Variants in TAGAP observed in about 807,000 individuals in gnomAD.
TAGAP encodes T-cell activation Rho GTPase-activating protein.
In TAGAP, 16 loss-of-function variants were observed where a neutral mutation model predicts 36.0. That is an observed-to-expected ratio of 0.44 (90% CI 0.30 to 0.68). The LOEUF (loss-of-function observed/expected upper bound fraction) is 0.68, where lower values mean the gene tolerates loss of function less well. Among genes scored for constraint, TAGAP ranks in the 30% least tolerant of loss-of-function variants. The probability of loss-of-function intolerance (pLI) is 0.09; values close to 1 mark genes in which losing one functional copy is unlikely to be tolerated. For missense variants in TAGAP, 794 were observed against 921.5 expected, an observed-to-expected ratio of 0.86 and a Z score of 1.79; for synonymous variants, 372 against 377.4, an observed-to-expected ratio of 0.99 and a Z score of 0.17.
chr6:159,041,230 A>C lies in TAGAP; in HGVS notation c.477+124T>G, dbSNP rs1779736656. 8.0e-7 allele frequency: 1 copy of C among 1,253,738 alleles called. No individual in the cohort carries two copies. The highest frequency in any genetic ancestry group is 1.1e-6 in the Non-Finnish European group (1 of 906,294). The allele number at this position is 1,253,738 out of a possible 1,614,324, so 77.7% of individuals were successfully genotyped here. On this transcript the variant is annotated intron_variant, in intron 6 of 9. Coordinates refer to ENST00000367066, the MANE Select transcript of TAGAP (RefSeq NM_054114.5). This position sits in a 1 kb window ranked among gnomAD's most constrained non-coding sequence, Gnocchi z 4.1. Reference sequence around the variant, plus strand: ...ATAAATAAATAAAGGGCTTAATGAAAAAAATTAAACTCCAAGATCAGTGTA... The same window carrying C: ...ATAAATAAATAAAGGGCTTAATGAACAAAATTAAACTCCAAGATCAGTGTA...
At chr6:159,040,393 G>A (rs1779703496) in intron 7 of TAGAP, among the ~76,000 whole-genome samples, 1 of 152,184 alleles carries the variant, frequency 6.6e-6, no homozygotes, top group Admixed American at 6.5e-5. Context: ...CTTTGCTGGT[G>A]AGCCTGTGTT....
rs767135924 is a variant in TAGAP at position 159,036,216 on chromosome 6, G to C, written c.1807C>G (p.Pro603Ala). The stretch of plus-strand genomic sequence containing the variant: ...TCGGAGGCCACTAGTCTGGCTGCCG[G>C]GCCCTGCATGGCCTCTTCATAAGAG... ...PPSYEEAMQG[P>A]AARLVASESQ... Residue 603 changes from proline (P) to alanine (A), a missense_variant, in exon 10 of 10, where the codon CCG becomes GCG. Physicochemically the swap from Pro to Ala is conservative, Grantham distance 27. Coordinates refer to ENST00000367066, the MANE Select transcript of TAGAP (RefSeq NM_054114.5). The surrounding 1 kb of genome is among the most constrained non-coding windows in gnomAD (Gnocchi z 4.9). 3.4e-5 allele frequency: 54 copies of C among 1,609,996 alleles called. No individual in the cohort carries two copies. Among genetic ancestry groups the C allele is most frequent in the Non-Finnish European group, 4.1e-5 (48 of 1,178,592 alleles).
chr6:159,038,889 G>A (rs1048357472), intron 8 of TAGAP: 16 of 1,395,172 alleles, frequency 1.1e-5, no homozygotes, highest in Admixed American at 3.0e-5. Flanking sequence ...GTAAATACTC[G>A]CAGCACTCAT....
chr6:159,036,142 C>T lies in TAGAP; in HGVS notation c.1881G>A (p.Met627Ile). The change falls in exon 10 of 10, where the codon ATG becomes ATA. Residue 627 changes from methionine (M) to isoleucine (I), a missense_variant. Met to Ile is a conservative substitution (Grantham distance 10, BLOSUM62 1). Coordinates refer to ENST00000367066, the MANE Select transcript of TAGAP (RefSeq NM_054114.5). This position sits in a 1 kb window ranked among gnomAD's most constrained non-coding sequence, Gnocchi z 4.9. ...GGGGTAGGAGGCAGTGCGCCTCCAG[C>T]ATCCTCGCCCTCATGCTCCCCACCG... ...SMTVGSMRAR[M>I]LEAHCLLPPL... 6.2e-7 allele frequency: 1 copy of T among 1,613,418 alleles called. No individual in the cohort carries two copies. The highest frequency in any genetic ancestry group is 8.5e-7 in the Non-Finnish European group (1 of 1,179,784).
rs1229838038 is a variant in TAGAP at position 159,043,961 on chromosome 6, A to G, written c.81+17T>C. The G allele has an allele frequency of 6.2e-7, 1 of 1,609,710 alleles. No individual in the cohort carries two copies. The highest frequency in any genetic ancestry group is 1.1e-5 in the South Asian group (1 of 90,588). On this transcript the variant is annotated intron_variant, in intron 3 of 9. Transcript: ENST00000367066. ...TCTCACAGTACAGATAAAAAGTCTT[A>G]AAAATTGCTTTCTTACCTCTGATTG...
intron 7 of TAGAP, 128 bp downstream of exon 7, chr6:159,040,595 C>A: frequency 1.4e-6 from 1 of 729,464 alleles, no homozygotes; most frequent in Middle Eastern, 2.5e-4. Context: ...ACGAGCAATT[C>A]CACTCGGATT....
chr6:159,043,922 A>T, intron 3 of TAGAP, 56 bp downstream of exon 3: 4 of 1,497,980 alleles, frequency 2.7e-6, no homozygotes, highest in Non-Finnish European at 3.7e-6. Context: ...CAATTAAAAC[A>T]AAGTTTTCCA....
rs554357363 is a variant in TAGAP, at chr6:159,044,244, C to G, written c.-58-40G>C. On this transcript the variant is annotated intron_variant, in intron 1 of 9. Coordinates refer to ENST00000367066, the MANE Select transcript of TAGAP (RefSeq NM_054114.5). ...ATGGAAAGGAGTTAGGAGGGACTCACACAGTAGGCCACTTTCAGCGCCACT... is the reference window on the plus strand; with the variant it reads ...ATGGAAAGGAGTTAGGAGGGACTCAGACAGTAGGCCACTTTCAGCGCCACT... 33 of 1,251,540 alleles carry G rather than the reference C, an allele frequency of 2.6e-5. No homozygotes were observed. In the East Asian group the frequency reaches 7.9e-4, roughly 30 times the overall value. 77.5% of individuals were successfully genotyped at this position (1,251,540 alleles called of 1,614,324 possible). A position where few individuals can be genotyped will look rare whatever the true frequency, so the allele number is the denominator to read the frequency against.
rs760383023 is a variant in TAGAP, at chr6:159,036,337, G to C, written c.1686C>G (p.His562Gln). The C allele has an allele frequency of 1.2e-5, 19 of 1,613,722 alleles. No individual in the cohort carries two copies. The East Asian group carries it at 4.0e-4, about 34-fold the overall frequency. ...GGCAGAAGCCGCGGGCTGTTTGGTT[G>C]TGGGTTTCACACCCATTTTCCTGCA... ...RIVQENGCET[H>Q]NQTARGFCLR... Residue 562 changes from histidine (H) to glutamine (Q), a missense_variant, in exon 10 of 10, where the codon CAC becomes CAG. Coordinates refer to ENST00000367066, the MANE Select transcript of TAGAP (RefSeq NM_054114.5). The surrounding 1 kb of genome is among the most constrained non-coding windows in gnomAD (Gnocchi z 4.9).
At chr6:159,040,600 C>T (rs780194671) in intron 7 of TAGAP, 123 bp downstream of exon 7, 16 of 775,114 alleles carry the variant, frequency 2.1e-5, no homozygotes, top group Non-Finnish European at 2.7e-5. Context: ...CAATTCCACT[C>T]GGATTCCCTA....
At chr6:159,043,906 A>G in intron 3 of TAGAP, 72 bp downstream of exon 3, 1 of 1,371,982 alleles carries the variant, frequency 7.3e-7, no homozygotes, top group South Asian at 1.2e-5. Flanking sequence ...CAACCCAAAT[A>G]ATATTCAATT....
Position 159,043,657 on chromosome 6 carries a change from T to TA in TAGAP, c.82-3dup. Reference sequence around the variant, plus strand: ...CAGGGGATGTTCCTTGATATCACCCTAAAAACATTTTTATTTCAGTTAAAT... The same window carrying TA: ...CAGGGGATGTTCCTTGATATCACCCTAAAAAACATTTTTATTTCAGTTAAAT... On this transcript the variant is annotated splice_polypyrimidine_tract_variant and splice_region_variant and intron_variant, in intron 3 of 9. Coordinates refer to ENST00000367066, the MANE Select transcript of TAGAP (RefSeq NM_054114.5). 1 of 1,613,832 alleles carries TA rather than the reference T, an allele frequency of 6.2e-7. No homozygotes were observed. Among genetic ancestry groups the TA allele is most frequent in the Non-Finnish European group, 8.5e-7 (1 of 1,179,788 alleles).
chr6:159,039,029 A>G, intron 8 of TAGAP, 85 bp downstream of exon 8: 1 of 1,601,766 alleles, frequency 6.2e-7, no homozygotes, highest in Non-Finnish European at 8.5e-7. Context: ...AGTTGGAGAC[A>G]TTCTGAAGCA....
intron 7 of TAGAP, among the ~76,000 whole-genome samples, chr6:159,040,032 G>A (rs1043062034): frequency 2.6e-5 from 4 of 152,150 alleles, no homozygotes; most frequent in African/African-American, 9.7e-5. Flanking sequence ...CTATACATAT[G>A]TCATTGAAAG....
intron 7 of TAGAP, among the ~76,000 whole-genome samples, chr6:159,039,729 C>G (rs7765172): frequency 0.026 from 3,947 of 152,288 alleles, 158 homozygotes; most frequent in African/African-American, 0.09. Context: ...GGAAACAAAA[C>G]TATAATTACC....
chr6:159,043,789 T>C (rs375694312), intron 3 of TAGAP, 134 bp from the exon 4 acceptor site: 2 of 1,054,704 alleles, frequency 1.9e-6, no homozygotes. Flanking sequence ...TTTTTCTAGC[T>C]TCTAGAAGCA....
Position 159,036,283 on chromosome 6 carries a change from A to C in TAGAP, c.1740T>G (p.Asp580Glu), listed in dbSNP as rs1395098204. ...CLRPHALSVD[D>E]VFQGADWERP... ...TCTCCCAGTCAGCTCCCTGGAACAC[A>C]TCATCCACCGAGAGGGCGTGGGGTC... is the stretch of plus-strand genomic sequence containing the variant. The change falls in exon 10 of 10, where the codon GAT becomes GAG. Residue 580 changes from aspartate to glutamate, a missense_variant. Physicochemically the swap from Asp to Glu is conservative, Grantham distance 45. Coordinates refer to ENST00000367066, the MANE Select transcript of TAGAP (RefSeq NM_054114.5). This position sits in a 1 kb window ranked among gnomAD's most constrained non-coding sequence, Gnocchi z 4.9. 1.2e-6 allele frequency: 2 copies of C among 1,611,770 alleles called. No individual in the cohort carries two copies. The highest frequency in any genetic ancestry group is 1.1e-5 in the South Asian group (1 of 90,966).
chr6:159,037,099 T>G lies in TAGAP; in HGVS notation c.924A>C (p.Ser308=). The G allele has an allele frequency of 1.9e-6, 3 of 1,611,214 alleles. No individual in the cohort carries two copies. Among genetic ancestry groups the G allele is most frequent in the Non-Finnish European group, 2.5e-6 (3 of 1,179,930 alleles). The change falls in exon 10 of 10, where the codon TCA becomes TCC. Residue 308 remains serine (S), a synonymous_variant. Transcript: ENST00000367066. This position sits in a 1 kb window ranked among gnomAD's most constrained non-coding sequence, Gnocchi z 5.1. ...SSDVSTLQND[S]AYDSNDPDVE... is the part of the protein sequence containing the mutation. ...CATCAGGGTCGTTGCTGTCGTAGGC[T>G]GAGTCATTCTGCAGGGTCGACACAT...
intron 1 of TAGAP, 125 bp downstream of exon 1, chr6:159,044,754 T>C: frequency 2.5e-6 from 1 of 392,210 alleles, no homozygotes. Context: ...AGCTTTGTCC[T>C]GAGACTTTAT....
Sources: allele counts gnomAD v4.1 joint callset (sites outside exome capture counted in the v4.1 genomes callset), GRCh38; gene constraint gnomAD v4.1.1; non-coding constraint Gnocchi (gnomAD v3.1); transcripts MANE v1.5; gene names NCBI Gene and HGNC (gene_info 2026-07-23, HGNC 2026-07-21).